The following HS3ST4 variants were observed in gnomAD, a reference collection of about 807,000 sequenced individuals.
HS3ST4 encodes the protein heparan sulfate-glucosamine 3-sulfotransferase 4, also known as heparan sulfate glucosamine 3-O-sulfotransferase 4.
Under a neutral mutation model 29.2 loss-of-function variants are expected in HS3ST4, and 17 were observed. That is an observed-to-expected ratio of 0.58 (90% CI 0.40 to 0.87). The LOEUF is 0.87. Among genes scored for constraint, HS3ST4 ranks in the 40% least tolerant of loss-of-function variants. The pLI, the probability that HS3ST4 is intolerant of heterozygous loss-of-function variation, is 0.00. For missense variants in HS3ST4, 627 were observed against 634.5 expected, an observed-to-expected ratio of 0.99 and a Z score of 0.13; for synonymous variants, 314 against 285.7, an observed-to-expected ratio of 1.10 and a Z score of -1.00.
At chr16:26,070,559 A>G (rs1411912605) in intron 1 of HS3ST4, among the ~76,000 whole-genome samples, 1 of 152,246 alleles carries the variant, frequency 6.6e-6, no homozygotes, top group Admixed American at 6.5e-5. Flanking sequence ...TTCAGACTGT[A>G]TGTTATACAG....
intron 1 of HS3ST4, among the ~76,000 whole-genome samples, chr16:25,930,805 G>A (rs544262994): frequency 2.0e-5 from 3 of 152,150 alleles, no homozygotes; most frequent in African/African-American, 7.2e-5. Context: ...TTTTCCAATG[G>A]CACCAGCAAA....
intron 1 of HS3ST4, among the ~76,000 whole-genome samples, chr16:26,016,132 G>A (rs529429192): frequency 6.6e-6 from 1 of 152,326 alleles, no homozygotes. Flanking sequence ...GGCTTGCATA[G>A]ATCAGAATGT....
chr16:25,809,872 C>G (rs1409692640), intron 1 of HS3ST4, among the ~76,000 whole-genome samples: 2 of 151,940 alleles, frequency 1.3e-5, no homozygotes, highest in Non-Finnish European at 2.9e-5. Flanking sequence ...CTTGTGTCTT[C>G]TTTTTATTTT....
At position 25,947,314 on chromosome 16, in the gene HS3ST4, G is replaced by A. The variant is rs374876138; in HGVS notation, c.735-188298G>A. On this transcript the variant is annotated intron_variant, in intron 1 of 1. Coordinates refer to ENST00000331351, the MANE Select transcript of HS3ST4 (RefSeq NM_006040.3). The stretch of plus-strand genomic sequence containing the variant: ...GAAAATACTCCATTATCCATGTCAC[G>A]CCCAGCAAGTCTAACAACTTGTTGT... 1.7e-4 allele frequency among the ~76,000 whole-genome samples: 26 copies of A among 152,134 alleles called. No homozygotes were observed. In the East Asian group the frequency reaches 2.7e-3, roughly 16 times the overall value.
At chr16:25,822,057 G>A (rs1249801339) in intron 1 of HS3ST4, among the ~76,000 whole-genome samples, 2 of 152,166 alleles carry the variant, frequency 1.3e-5, no homozygotes, top group African/African-American at 4.8e-5. Context: ...TGCCCGGTAT[G>A]TCTAGGCCCA....
rs551218875 is a variant in HS3ST4, at chr16:25,770,476, C to A, written c.734+77325C>A. On this transcript the variant is annotated intron_variant, in intron 1 of 1. Transcript: ENST00000331351. The stretch of plus-strand genomic sequence containing the variant: ...TAACACACAAGAGGGCAGGCAACCT[C>A]TCTCAGGCCACACATTGAGGAAGGG... 8.0e-4 allele frequency among the ~76,000 whole-genome samples: 122 copies of A among 152,328 alleles called. 2 individuals are homozygous for A. The East Asian group carries it at 0.022, about 27-fold the overall frequency.
chr16:25,886,795 G>GAGGTGGGAGGTGAGGC (rs1351766882), intron 1 of HS3ST4: 1 of 151,594 alleles, frequency 6.6e-6, no homozygotes, highest in Non-Finnish European at 1.5e-5. Flanking sequence ...GGTGAGACAA[G>GAGGTGGGAGGTGAGGC]AGGTGGGAGG....
chr16:25,977,389 T>C (rs1263591944), intron 1 of HS3ST4, among the ~76,000 whole-genome samples: 1 of 152,228 alleles, frequency 6.6e-6, no homozygotes, highest in Non-Finnish European at 1.5e-5. Flanking sequence ...TTTAGTTCTC[T>C]GAGCACATCA....
intron 1 of HS3ST4, among the ~76,000 whole-genome samples, chr16:25,762,621 A>G (rs770698523): frequency 3.1e-4 from 47 of 152,072 alleles, no homozygotes; most frequent in Non-Finnish European, 5.9e-4. Context: ...CAGTCCCAGC[A>G]CTTGGGAGGC....
At chr16:25,903,327 A>ATGTATATGTATATATTATATATC (rs1968139881) in intron 1 of HS3ST4, among the ~76,000 whole-genome samples, 2 of 143,556 alleles carry the variant, frequency 1.4e-5, no homozygotes, top group Non-Finnish European at 3.0e-5. Context: ...TATTATATAT[A>ATGTATATGTATATATTATATATC]TGTATATGTA....
At chr16:25,851,953 G>A (rs948880950) in intron 1 of HS3ST4, among the ~76,000 whole-genome samples, 9 of 152,184 alleles carry the variant, frequency 5.9e-5, no homozygotes, top group Admixed American at 3.9e-4. Context: ...GTCCTGCCCT[G>A]TGCAATTTTA....
chr16:25,929,110 G>A (rs1567274543), intron 1 of HS3ST4, among the ~76,000 whole-genome samples: 2 of 152,270 alleles, frequency 1.3e-5, no homozygotes, highest in Admixed American at 6.5e-5. Context: ...GTGGACCGGC[G>A]TGGGGGCTCA....
chr16:25,800,074 C>T (rs1396648227), intron 1 of HS3ST4, among the ~76,000 whole-genome samples: 2 of 149,146 alleles, frequency 1.3e-5, no homozygotes, highest in Non-Finnish European at 3.0e-5. Flanking sequence ...GCCTTCCTTC[C>T]TTCCTTCCTT....
intron 1 of HS3ST4, among the ~76,000 whole-genome samples, chr16:25,700,322 C>T (rs1022865439): frequency 5.3e-5 from 8 of 152,128 alleles, no homozygotes; most frequent in African/African-American, 1.4e-4. Context: ...GGAATGGATG[C>T]CACTTGCCCC....
At chr16:26,007,019 A>C (rs764336672) in intron 1 of HS3ST4, among the ~76,000 whole-genome samples, 2 of 152,230 alleles carry the variant, frequency 1.3e-5, no homozygotes, top group African/African-American at 2.4e-5. Context: ...TTTCACTGTC[A>C]TCATTTTCTC....
In HS3ST4 at chr16:25,692,777, C is replaced by G. The variant is rs1168549931; in HGVS notation, c.360C>G (p.Ala120=). The stretch of plus-strand genomic sequence containing the variant: ...CCGAGCCCCCAGAGCAGCCAGCCGC[C>G]CCCGGGACCGACGGCTGGGGGCTGC... ...EPPEPPEQPA[A]PGTDGWGLPS... is the part of the protein sequence containing the mutation. The change falls in exon 1 of 2, where the codon GCC becomes GCG. Residue 120 remains alanine, a synonymous_variant. Coordinates refer to ENST00000331351, the MANE Select transcript of HS3ST4 (RefSeq NM_006040.3). 2.9e-6 allele frequency: 4 copies of G among 1,363,958 alleles called. No homozygotes were observed. In the South Asian group the frequency reaches 7.3e-5, roughly 25 times the overall value. 84.5% of individuals were successfully genotyped at this position (1,363,958 alleles called of 1,614,324 possible).
At chr16:26,135,037 A>G (rs537366183) in intron 1 of HS3ST4, among the ~76,000 whole-genome samples, 442 of 152,292 alleles carry the variant, frequency 2.9e-3, no homozygotes, top group Non-Finnish European at 5.4e-3. Context: ...TTCAACAACA[A>G]TTCAGTGATT....
chr16:26,134,210 G>A (rs979048337), intron 1 of HS3ST4, among the ~76,000 whole-genome samples: 1 of 152,040 alleles, frequency 6.6e-6, no homozygotes, highest in East Asian at 1.9e-4. Context: ...ACCCTGGTAT[G>A]GGATCTGTCA....
intron 1 of HS3ST4, among the ~76,000 whole-genome samples, chr16:25,914,076 G>T (rs1968267612): frequency 6.7e-6 from 1 of 148,690 alleles, no homozygotes; most frequent in African/African-American, 2.5e-5. Context: ...GAGTGTGTGT[G>T]TGGGGGTATG....
Sources: allele counts gnomAD v4.1 joint callset (sites outside exome capture counted in the v4.1 genomes callset), GRCh38; gene constraint gnomAD v4.1.1; transcripts MANE v1.5; gene names NCBI Gene and HGNC (gene_info 2026-07-23, HGNC 2026-07-21).